THADA: variants seen among roughly 807,000 people sequenced by gnomAD.
THADA encodes the protein tRNA (32-2'-O)-methyltransferase regulator THADA.
In THADA, 213 loss-of-function variants were observed where a neutral mutation model predicts 219.8. The ratio of observed to expected loss-of-function variants is 0.97; its 90% confidence interval spans 0.87 to 1.09. The LOEUF (loss-of-function observed/expected upper bound fraction) is 1.09, where lower values mean the gene tolerates loss of function less well. THADA is among the 50% of genes least tolerant of loss of function. The pLI, the probability that THADA is intolerant of heterozygous loss-of-function variation, is 0.00. For missense variants in THADA, 2,956 were observed against 2,311.3 expected, an observed-to-expected ratio of 1.28 and a Z score of -5.72; for synonymous variants, 1,018 against 828.9, an observed-to-expected ratio of 1.23 and a Z score of -3.92.
chr2:43,404,239 C>T (rs1488021613), intron 28 of THADA, among the ~76,000 whole-genome samples: 2 of 152,080 alleles, frequency 1.3e-5, no homozygotes, highest in Non-Finnish European at 2.9e-5. Flanking sequence ...GTCACTCAGG[C>T]TGGAGTTCAG....
Position 43,393,702 on chromosome 2 carries a change from C to T in THADA, c.4227+4269G>A, listed in dbSNP as rs527434995. On this transcript the variant is annotated intron_variant, in intron 29 of 37. Coordinates refer to ENST00000405975, the MANE Select transcript of THADA (RefSeq NM_022065.5). ...CAGCCTAGGCAACAGAGCGAGACTC[C>T]GTCTTAAAAAAAAAAAAAAAAGAGC... 1.1e-4 allele frequency among the ~76,000 whole-genome samples: 15 copies of T among 140,808 alleles called. No homozygotes were observed. In the East Asian group the frequency reaches 2.2e-3, roughly 20 times the overall value. The allele number at this position is 140,808 out of a possible 152,430, so 92.4% of individuals were successfully genotyped here.
intron 28 of THADA, among the ~76,000 whole-genome samples, chr2:43,406,646 G>A (rs1675571430): frequency 6.6e-6 from 1 of 152,192 alleles, no homozygotes; most frequent in Non-Finnish European, 1.5e-5. Flanking sequence ...GACATTGGGA[G>A]CCCTAGAAAA....
Position 43,508,911 on chromosome 2 carries a change from T to C in THADA, c.3375-131A>G, listed in dbSNP as rs534785582. The C allele has an allele frequency of 2.7e-3, 2,212 of 829,512 alleles. 5 individuals carry two copies. The highest frequency in any genetic ancestry group is 3.5e-3 in the Non-Finnish European group (1,923 of 552,536). 51.4% of individuals were successfully genotyped at this position (829,512 alleles called of 1,614,324 possible). A position where few individuals can be genotyped will look rare whatever the true frequency, so the allele number is the denominator to read the frequency against. On this transcript the variant is annotated intron_variant, in intron 22 of 37. Coordinates refer to ENST00000405975, the MANE Select transcript of THADA (RefSeq NM_022065.5). Reference sequence around the variant, plus strand: ...TGAGTGGGGGTGAAACTAAAACATGTCTCATACTTTTCACCTACTTTCCTC... The same window carrying C: ...TGAGTGGGGGTGAAACTAAAACATGCCTCATACTTTTCACCTACTTTCCTC...
At position 43,310,232 on chromosome 2, in the gene THADA, C is replaced by G. The variant is rs1379422100; in HGVS notation, c.4438+10214G>C. The stretch of plus-strand genomic sequence containing the variant: ...CTCCCTCCCTCCCTTTCCCGCCCCC[C>G]CCCCAAACAAGCTGATCCTAAAATT... On this transcript the variant is annotated intron_variant, in intron 31 of 37. Coordinates refer to ENST00000405975, the MANE Select transcript of THADA (RefSeq NM_022065.5). Among the ~76,000 whole-genome samples, 17 of 126,518 alleles carry G rather than the reference C, an allele frequency of 1.3e-4. No homozygotes were observed. The East Asian group carries it at 2.9e-3, about 21-fold the overall frequency. The allele number at this position is 126,518 out of a possible 152,430, so 83.0% of individuals were successfully genotyped here. A position where few individuals can be genotyped will look rare whatever the true frequency, so the allele number is the denominator to read the frequency against.
intron 29 of THADA, among the ~76,000 whole-genome samples, chr2:43,375,796 T>C (rs1671302724): frequency 6.6e-6 from 1 of 152,204 alleles, no homozygotes; most frequent in Non-Finnish European, 1.5e-5. Context: ...CCTTTAATCT[T>C]GTTACAGAAC....
chr2:43,303,375 T>C (rs1676482624), intron 31 of THADA, among the ~76,000 whole-genome samples: 1 of 152,172 alleles, frequency 6.6e-6, no homozygotes, highest in Admixed American at 6.5e-5. Context: ...AGAGTGCTAA[T>C]TTTGACAGGC....
intron 31 of THADA, among the ~76,000 whole-genome samples, chr2:43,314,697 C>A (rs1215531950): frequency 6.6e-6 from 1 of 152,200 alleles, no homozygotes; most frequent in Non-Finnish European, 1.5e-5. Context: ...GGCAGTTCGG[C>A]TTTTTCTTTC....
intron 16 of THADA, among the ~76,000 whole-genome samples, chr2:43,558,335 G>A (rs1216673254): frequency 1.3e-5 from 2 of 152,090 alleles, no homozygotes; most frequent in East Asian, 3.8e-4. Context: ...TTATATAAGG[G>A]ACACCCAAAG....
intron 26 of THADA, chr2:43,484,278 G>C (rs1234511934): frequency 6.0e-6 from 1 of 166,926 alleles, no homozygotes; most frequent in African/African-American, 2.4e-5. Flanking sequence ...ATCACAAAAT[G>C]ATTTCATATT....
intron 22 of THADA, among the ~76,000 whole-genome samples, chr2:43,514,703 T>TA (rs1691044105): frequency 2.5e-5 from 2 of 80,810 alleles, no homozygotes; most frequent in African/African-American, 1.1e-4. Context: ...ATATATATAA[T>TA]ATATATATAA....
rs1699321860 is a variant in THADA, at chr2:43,571,697, G to C, written c.2064+10C>G. The C allele has an allele frequency of 6.2e-7, 1 of 1,601,930 alleles. No individual in the cohort carries two copies. Among genetic ancestry groups the C allele is most frequent in the African/African-American group, 1.3e-5 (1 of 74,330 alleles). ...ACCACTTCCCTATGCCTTCTGATGGGAAATTCTACCTTTTTAAGAAGAGAA... is the reference window on the plus strand; with the variant it reads ...ACCACTTCCCTATGCCTTCTGATGGCAAATTCTACCTTTTTAAGAAGAGAA... On this transcript the variant is annotated intron_variant, in intron 13 of 37. Coordinates refer to ENST00000405975, the MANE Select transcript of THADA (RefSeq NM_022065.5).
intron 22 of THADA, among the ~76,000 whole-genome samples, chr2:43,519,887 T>A (rs1230216141): frequency 6.6e-6 from 1 of 152,016 alleles, no homozygotes; most frequent in Non-Finnish European, 1.5e-5. Flanking sequence ...CAGAATAGAG[T>A]TCTGACTATT....
intron 29 of THADA, among the ~76,000 whole-genome samples, chr2:43,345,901 C>G (rs1423219544): frequency 6.6e-6 from 1 of 152,172 alleles, no homozygotes; most frequent in African/African-American, 2.4e-5. Context: ...AAACTTAGTC[C>G]TATATTTGCT....
chr2:43,561,977 T>C lies in THADA; in HGVS notation c.2312-1592A>G, dbSNP rs532883689. Among the ~76,000 whole-genome samples, 32 of 152,366 alleles carry C rather than the reference T, an allele frequency of 2.1e-4. 1 individual carries two copies. The South Asian group carries it at 6.2e-3, about 30-fold the overall frequency. On this transcript the variant is annotated intron_variant, in intron 15 of 37. Coordinates refer to ENST00000405975, the MANE Select transcript of THADA (RefSeq NM_022065.5). ...TAAAAGGGTACTGAATTCTGTCAAA[T>C]GCCTTTTCTGCAAAAATTGAGACGA...
At chr2:43,411,455 T>C (rs985840232) in intron 28 of THADA, among the ~76,000 whole-genome samples, 2 of 152,202 alleles carry the variant, frequency 1.3e-5, no homozygotes, top group African/African-American at 4.8e-5. Flanking sequence ...AGCGGTATGA[T>C]TTCGTAGTGG....
intron 29 of THADA, among the ~76,000 whole-genome samples, chr2:43,354,843 A>G (rs973793623): frequency 6.6e-6 from 1 of 152,152 alleles, no homozygotes; most frequent in African/African-American, 2.4e-5. Context: ...AGGTAATTGA[A>G]TCATGGGGGT....
chr2:43,339,028 T>C (rs912512511), intron 30 of THADA, among the ~76,000 whole-genome samples: 2 of 152,154 alleles, frequency 1.3e-5, no homozygotes, highest in Non-Finnish European at 2.9e-5. Context: ...AACTTACATA[T>C]ACAGTATAGC....
chr2:43,341,126 T>C (rs1193338758), intron 30 of THADA, among the ~76,000 whole-genome samples: 2 of 152,184 alleles, frequency 1.3e-5, no homozygotes, highest in East Asian at 3.8e-4. Flanking sequence ...GATTAACACT[T>C]GTAAAAGTGT....
intron 35 of THADA, among the ~76,000 whole-genome samples, chr2:43,286,219 C>T (rs759634073): frequency 1.3e-5 from 2 of 152,052 alleles, no homozygotes; most frequent in Non-Finnish European, 2.9e-5. Flanking sequence ...ACATAGGGCC[C>T]GTGTTAGGGA....
Sources: gnomAD v4.1 joint callset for allele counts (sites outside exome capture counted in the v4.1 genomes callset) on GRCh38, gnomAD v4.1.1 for gene constraint, MANE v1.5 for transcripts, NCBI Gene and HGNC (gene_info 2026-07-23, HGNC 2026-07-21) for gene names.